The following RANBP2 variants were observed in gnomAD, a reference collection of about 807,000 sequenced individuals.
RANBP2 encodes RAN binding protein 2, also known as E3 SUMO-protein ligase RanBP2.
Under a neutral mutation model 303.6 loss-of-function variants are expected in RANBP2, and 57 were observed. The observed-to-expected ratio is 0.19, with a 90% CI of 0.15 to 0.23. The LOEUF is 0.23. Among genes scored for constraint, RANBP2 ranks in the 10% least tolerant of loss-of-function variants. The pLI is 1.00. For synonymous variants in RANBP2, 1,167 were observed against 1,301.5 expected, an observed-to-expected ratio of 0.90 and a Z score of 2.23; for missense variants, 3,138 against 3,780.8, an observed-to-expected ratio of 0.83 and a Z score of 4.46.
At chr2:109,104,573 T>G in the RANBP2 span, among the ~76,000 whole-genome samples, 2 of 151,540 alleles carry the variant, frequency 1.3e-5, no homozygotes, top group African/African-American at 4.8e-5. Flanking sequence ...AAGCTCCGCC[T>G]CCCGGGTTCG....
chr2:109,376,461 A>G, the RANBP2 span, among the ~76,000 whole-genome samples: 2 of 152,218 alleles, frequency 1.3e-5, no homozygotes, highest in African/African-American at 2.4e-5. Context: ...CTTAGAAGGC[A>G]TGTTAGCAAA....
At chr2:109,017,665 T>C in the RANBP2 span, among the ~76,000 whole-genome samples, 4 of 152,350 alleles carry the variant, frequency 2.6e-5, no homozygotes, top group South Asian at 8.3e-4. Context: ...TTTATTTTGA[T>C]GGGCAGAGCT....
chr2:109,109,368 C>A, the RANBP2 span, among the ~76,000 whole-genome samples: 1 of 152,182 alleles, frequency 6.6e-6, no homozygotes, highest in East Asian at 1.9e-4. Flanking sequence ...AGGGCCCAGC[C>A]GACCTGGGGA....
chr2:109,300,046 G>A, the RANBP2 span, among the ~76,000 whole-genome samples: 1 of 152,120 alleles, frequency 6.6e-6, no homozygotes, highest in Non-Finnish European at 1.5e-5. Context: ...TCACTGCATG[G>A]GTGAGTGAAT....
the RANBP2 span, among the ~76,000 whole-genome samples, chr2:109,643,932 C>G: frequency 1.3e-5 from 2 of 151,834 alleles, no homozygotes; most frequent in Non-Finnish European, 2.9e-5. Context: ...ACCAGCATGA[C>G]CAACATGGTG....
the RANBP2 span, chr2:108,931,023 A>G: frequency 4.2e-5 from 68 of 1,614,044 alleles, 1 homozygote; most frequent in African/African-American, 8.4e-4. Context: ...ATCCTCTCCC[A>G]AGGGCTCACC....
the RANBP2 span, among the ~76,000 whole-genome samples, chr2:109,018,392 A>G: frequency 6.6e-6 from 1 of 151,050 alleles, no homozygotes; most frequent in Non-Finnish European, 1.5e-5. Context: ...GCCAGCGTGC[A>G]CTGTGGCCCC....
the RANBP2 span, among the ~76,000 whole-genome samples, chr2:109,513,131 G>A: frequency 6.6e-6 from 1 of 152,078 alleles, no homozygotes; most frequent in Non-Finnish European, 1.5e-5. Context: ...TCCTTCCCTG[G>A]CACAATGCCC....
the RANBP2 span, among the ~76,000 whole-genome samples, chr2:108,822,232 A>G: frequency 6.6e-6 from 1 of 152,206 alleles, no homozygotes. Context: ...TATAAATGAT[A>G]AAAAGGTAAA....
intron 19 of RANBP2, among the ~76,000 whole-genome samples, chr2:108,762,798 C>CATCATCATCATCAT (rs1676821332): frequency 4.0e-5 from 6 of 151,182 alleles, no homozygotes; most frequent in African/African-American, 1.5e-4. Context: ...ATAAATGTTA[C>CATCATCATCATCAT]CATCATCATC....
chr2:109,059,836 G>A, the RANBP2 span, among the ~76,000 whole-genome samples: 2 of 53,932 alleles, frequency 3.7e-5, no homozygotes, highest in African/African-American at 8.5e-5. Context: ...TTGGTGGGTG[G>A]GGGGGATGTG....
At chr2:109,509,454 C>T in the RANBP2 span, among the ~76,000 whole-genome samples, 1 of 152,238 alleles carries the variant, frequency 6.6e-6, no homozygotes, top group Non-Finnish European at 1.5e-5. Context: ...AGACCTCTCT[C>T]CTCGGCTTGC....
the RANBP2 span, among the ~76,000 whole-genome samples, chr2:108,906,705 G>C: frequency 6.6e-6 from 1 of 152,242 alleles, no homozygotes; most frequent in Non-Finnish European, 1.5e-5. Context: ...CTGCAGCAGA[G>C]CCGTGCGGGG....
At chr2:109,055,527 A>ATTTTC in the RANBP2 span, among the ~76,000 whole-genome samples, 343 of 151,222 alleles carry the variant, frequency 2.3e-3, 1 homozygote, top group African/African-American at 6.1e-3. Flanking sequence ...TGTCCGGCTA[A>ATTTTC]TTTTCTTTTC....
chr2:108,946,929 T>C, the RANBP2 span, among the ~76,000 whole-genome samples: 1 of 152,082 alleles, frequency 6.6e-6, no homozygotes, highest in African/African-American at 2.4e-5. Context: ...AATCATGCCT[T>C]CCCAACAGTC....
chr2:109,668,256 T>C, the RANBP2 span, among the ~76,000 whole-genome samples: 2 of 152,242 alleles, frequency 1.3e-5, no homozygotes, highest in Non-Finnish European at 2.9e-5. Context: ...TACTTTTTTC[T>C]GCCTGCCTCA....
chr2:108,908,306 T>C, the RANBP2 span, among the ~76,000 whole-genome samples: 6 of 152,090 alleles, frequency 3.9e-5, no homozygotes, highest in Admixed American at 3.9e-4. Context: ...TCCACGGGCC[T>C]CTCCTTCCCT....
At chr2:109,041,331 A>C in the RANBP2 span, among the ~76,000 whole-genome samples, 2 of 152,172 alleles carry the variant, frequency 1.3e-5, no homozygotes. Flanking sequence ...GACCTCCAGG[A>C]CAATGTTGAA....
At chr2:109,553,172 C>T in the RANBP2 span, 20 of 1,614,014 alleles carry the variant, frequency 1.2e-5, no homozygotes, top group African/African-American at 2.7e-5. Context: ...CTTCCTCTGA[C>T]GTTCACCATG....
Sources: gnomAD v4.1 joint callset for allele counts (sites outside exome capture counted in the v4.1 genomes callset) on GRCh38, gnomAD v4.1.1 for gene constraint, MANE v1.5 for transcripts, NCBI Gene and HGNC (gene_info 2026-07-23, HGNC 2026-07-21) for gene names.